The following AUTS2 variants were observed in gnomAD, a reference collection of about 807,000 sequenced individuals.
The protein encoded by AUTS2 is autism susceptibility gene 2 protein.
A neutral mutation model predicts 112.4 loss-of-function variants in AUTS2; 17 were observed. That is an observed-to-expected ratio of 0.15 (90% CI 0.10 to 0.23). AUTS2 has a LOEUF of 0.23. Ranked by LOEUF, AUTS2 falls within the 10% of genes least tolerant of loss-of-function variation. The pLI is 1.00. For missense variants in AUTS2, 1,510 were observed against 1,701.6 expected, an observed-to-expected ratio of 0.89 and a Z score of 1.98; for synonymous variants, 751 against 702.7, an observed-to-expected ratio of 1.07 and a Z score of -1.09.
At chr7:70,246,896 GT>G (rs943345558) in intron 4 of AUTS2, among the ~76,000 whole-genome samples, 2 of 150,730 alleles carry the variant, frequency 1.3e-5, no homozygotes, top group African/African-American at 4.9e-5. Context: ...TTCTCTATAT[GT>G]TTTTTTTATT....
chr7:69,668,887 A>AT (rs200256751), intron 1 of AUTS2, among the ~76,000 whole-genome samples: 123 of 151,382 alleles, frequency 8.1e-4, no homozygotes, highest in Admixed American at 1.5e-3. Context: ...AGAACCTGTC[A>AT]TTTTTTTTTC....
rs116547907 is a variant in AUTS2 at position 70,540,397 on chromosome 7, C to T, written c.690+104616C>T. Reference sequence around the variant, plus strand: ...TCTTTGCTCTCTTACCCAGCAGTGCCAAGAATTTCACTAGGCCCACTGAAG... The same window carrying T: ...TCTTTGCTCTCTTACCCAGCAGTGCTAAGAATTTCACTAGGCCCACTGAAG... On this transcript the variant is annotated intron_variant, in intron 5 of 18. Transcript: ENST00000342771. Among the ~76,000 whole-genome samples the T allele has an allele frequency of 6.2e-3, 950 of 152,220 alleles. 9 individuals are homozygous for T. Among genetic ancestry groups the T allele is most frequent in the African/African-American group, 0.022 (907 of 41,534 alleles).
intron 5 of AUTS2, 21 bp downstream of exon 5, chr7:70,435,802 T>A: frequency 6.2e-7 from 1 of 1,612,372 alleles, no homozygotes; most frequent in Non-Finnish European, 8.5e-7. Flanking sequence ...CCCTCCCCCA[T>A]TGTGGGCACA....
chr7:70,476,249 C>A (rs979592951), intron 5 of AUTS2, among the ~76,000 whole-genome samples: 1 of 152,016 alleles, frequency 6.6e-6, no homozygotes, highest in Non-Finnish European at 1.5e-5. Context: ...ACAAATGATT[C>A]GTCCAGTGAG....
intron 1 of AUTS2, among the ~76,000 whole-genome samples, chr7:69,877,087 G>C (rs1223123126): frequency 6.6e-6 from 1 of 152,124 alleles, no homozygotes; most frequent in South Asian, 2.1e-4. Flanking sequence ...ATTTTTTGCA[G>C]CTTAATGATT....
chr7:70,747,042 A>T (rs1385583351), intron 6 of AUTS2, among the ~76,000 whole-genome samples: 1 of 152,086 alleles, frequency 6.6e-6, no homozygotes, highest in African/African-American at 2.4e-5. Flanking sequence ...GTGGGAGTGG[A>T]AGGGGGTGGG....
At chr7:69,935,761 C>A (rs1796385139) in intron 2 of AUTS2, among the ~76,000 whole-genome samples, 1 of 152,086 alleles carries the variant, frequency 6.6e-6, no homozygotes, top group African/African-American at 2.4e-5. Context: ...GAAGTTTGTA[C>A]CCAGAGTTGA....
intron 5 of AUTS2, among the ~76,000 whole-genome samples, chr7:70,584,517 A>G (rs1802596392): frequency 6.6e-6 from 1 of 152,180 alleles, no homozygotes; most frequent in Admixed American, 6.5e-5. Context: ...TGGGAGGGGG[A>G]AGAACCCTTG....
intron 4 of AUTS2, among the ~76,000 whole-genome samples, chr7:70,351,291 C>T (rs1239562517): frequency 2.0e-5 from 3 of 151,974 alleles, no homozygotes; most frequent in Admixed American, 1.3e-4. Context: ...TGACCTCTGG[C>T]GATCCACCCG....
Position 70,790,567 on chromosome 7 carries a change from G to A in AUTS2, c.3351G>A (p.Arg1117=). The change falls in exon 19 of 19, where the codon AGG becomes AGA. Residue 1117 remains arginine, a synonymous_variant. Transcript: ENST00000342771. The surrounding 1 kb of genome is among the most constrained non-coding windows in gnomAD (Gnocchi z 7.6). ...PRLYEADRSF[R]DREPHDYSHH... ...TGTACGAAGCCGACCGCTCCTTCAG[G>A]GACCGGGAGCCTCACGACTACAGCC... 6.2e-7 allele frequency: 1 copy of A among 1,603,148 alleles called. No individual in the cohort carries two copies. Among genetic ancestry groups the A allele is most frequent in the Non-Finnish European group, 8.5e-7 (1 of 1,175,502 alleles).
chr7:69,926,834 A>T (rs1796035264), intron 2 of AUTS2, among the ~76,000 whole-genome samples: 1 of 146,798 alleles, frequency 6.8e-6, no homozygotes. Flanking sequence ...TATAGTATAT[A>T]TAAGATATAT....
chr7:70,677,249 G>A (rs568003547), intron 5 of AUTS2, among the ~76,000 whole-genome samples: 5 of 152,258 alleles, frequency 3.3e-5, no homozygotes, highest in East Asian at 1.9e-4. Flanking sequence ...TTCACGCCAC[G>A]ACATTCCCTC....
At chr7:69,889,446 T>G (rs1794421851) in intron 1 of AUTS2, among the ~76,000 whole-genome samples, 1 of 152,204 alleles carries the variant, frequency 6.6e-6, no homozygotes, top group Middle Eastern at 3.2e-3. Flanking sequence ...ATCAGCAGTG[T>G]GCAGTGGTTC....
chr7:69,611,226 C>T (rs969255012), intron 1 of AUTS2, among the ~76,000 whole-genome samples: 3 of 152,160 alleles, frequency 2.0e-5, no homozygotes, highest in African/African-American at 7.2e-5. Flanking sequence ...CTCTCTGACT[C>T]CCTTAGCATA....
chr7:70,459,449 C>T (rs1349347355), intron 5 of AUTS2, among the ~76,000 whole-genome samples: 2 of 152,162 alleles, frequency 1.3e-5, no homozygotes, highest in Admixed American at 6.5e-5. Flanking sequence ...AACTGTCATA[C>T]ACTTCAAGGC....
At chr7:69,875,005 TTATC>T (rs1232106782) in intron 1 of AUTS2, among the ~76,000 whole-genome samples, 1 of 151,796 alleles carries the variant, frequency 6.6e-6, no homozygotes, top group Non-Finnish European at 1.5e-5. Context: ...CCTTCGATGA[TTATC>T]TATTGACTAT....
At chr7:69,658,123 A>G (rs1795627036) in intron 1 of AUTS2, among the ~76,000 whole-genome samples, 1 of 152,266 alleles carries the variant, frequency 6.6e-6, no homozygotes, top group South Asian at 2.1e-4. Context: ...ATTGGAATAC[A>G]GCCATGCTCA....
Position 70,790,086 on chromosome 7 carries a change from C to T in AUTS2, c.2870C>T (p.Thr957Ile). 1.9e-6 allele frequency: 3 copies of T among 1,577,910 alleles called. No individual in the cohort carries two copies. Among genetic ancestry groups the T allele is most frequent in the Non-Finnish European group, 2.6e-6 (3 of 1,164,086 alleles). ...PVVESARPNS[T>I]SSREAEPRKG... is the part of the protein sequence containing the mutation. Reference sequence around the variant, plus strand: ...GTGGAGAGTGCCAGGCCCAACAGCACCTCGAGCCGGGAGGCCGAGCCGCGC... The same window carrying T: ...GTGGAGAGTGCCAGGCCCAACAGCATCTCGAGCCGGGAGGCCGAGCCGCGC... The change falls in exon 19 of 19, where the codon ACC becomes ATC. Residue 957 changes from threonine (T) to isoleucine (I), a missense_variant. Physicochemically the swap from Thr to Ile is moderately conservative, Grantham distance 89 (BLOSUM62 -1). Around this residue, in one of 3 missense-constraint regions of AUTS2, gnomAD observed 788 missense variants for 797.6 expected, o/e 0.99. Transcript: ENST00000342771. This position sits in a 1 kb window ranked among gnomAD's most constrained non-coding sequence, Gnocchi z 7.6.
chr7:70,367,370 C>T (rs915325530), intron 4 of AUTS2, among the ~76,000 whole-genome samples: 10 of 151,978 alleles, frequency 6.6e-5, no homozygotes, highest in Non-Finnish European at 1.5e-4. Flanking sequence ...TCCTAGTTAA[C>T]ACGGTGAAAC....
Sources: gnomAD v4.1 joint callset for allele counts (sites outside exome capture counted in the v4.1 genomes callset) on GRCh38, gnomAD v4.1.1 for gene constraint, gnomAD v4.1.1 regional missense constraint, Gnocchi (gnomAD v3.1) non-coding constraint, MANE v1.5 for transcripts, NCBI Gene and HGNC (gene_info 2026-07-23, HGNC 2026-07-21) for gene names.